The following LYSMD3 variants were observed in gnomAD, a reference collection of about 807,000 sequenced individuals.
The protein encoded by LYSMD3 is lysM and putative peptidoglycan-binding domain-containing protein 3.
A neutral mutation model predicts 26.1 loss-of-function variants in LYSMD3; 13 were observed. The ratio of observed to expected loss-of-function variants is 0.50; its 90% CI spans 0.32 to 0.79. LYSMD3 has a LOEUF of 0.79. Among genes scored for constraint, LYSMD3 ranks in the 30% least tolerant of loss-of-function variants. The pLI is 0.03. For missense variants in LYSMD3, 331 were observed against 362.5 expected (o/e 0.91, Z 0.71); for synonymous variants, 109 against 119.4 (o/e 0.91, Z 0.57).
intron 1 of LYSMD3, among the ~76,000 whole-genome samples, chr5:90,526,747 G>A (rs1561268573): frequency 6.6e-6 from 1 of 152,168 alleles, no homozygotes; most frequent in Non-Finnish European, 1.5e-5. Context: ...AAGAGGAGCT[G>A]GGGGAGGAGG....
intron 2 of LYSMD3, among the ~76,000 whole-genome samples, chr5:90,519,768 C>A (rs1753044298): frequency 6.6e-6 from 1 of 151,994 alleles, no homozygotes; most frequent in African/African-American, 2.4e-5. Flanking sequence ...TGCTGCTTCC[C>A]TTTGTGCATC....
In LYSMD3 at chr5:90,516,385, A is replaced by G. The variant is rs1302483123; in HGVS notation, c.*2434T>C. The G allele has an allele frequency of 6.6e-6, 1 of 152,158 alleles. No homozygotes were observed. The highest frequency in any genetic ancestry group is 6.5e-5 in the Admixed American group (1 of 15,282). The allele number at this position is 152,158 out of a possible 1,614,324, so 9.4% of individuals were successfully genotyped here. On this transcript the variant is annotated 3_prime_UTR_variant, in exon 3 of 3. Coordinates refer to ENST00000315948, the MANE Select transcript of LYSMD3 (RefSeq NM_198273.2). ...ATGCAATGATTCTGCTGTTACTTTTACATTGCATACAAGTACATGCGTGCA... is the reference window on the plus strand; with the variant it reads ...ATGCAATGATTCTGCTGTTACTTTTGCATTGCATACAAGTACATGCGTGCA...
chr5:90,520,677 T>C (rs949242425), intron 2 of LYSMD3, among the ~76,000 whole-genome samples: 1 of 152,152 alleles, frequency 6.6e-6, no homozygotes, highest in African/African-American at 2.4e-5. Context: ...CCCAGCACTT[T>C]GGGAGGCCGA....
rs964750170 is a variant in LYSMD3, at chr5:90,517,910, A to T, written c.*909T>A. On this transcript the variant is annotated 3_prime_UTR_variant, in exon 3 of 3. Transcript: ENST00000315948. ...GCTTATTTTTAATTCTGAAACTTGG[A>T]TTTACTTACATAAAGCAGTAAGGCA... The T allele has an allele frequency of 2.0e-5, 3 of 152,474 alleles. No homozygotes were observed. Among genetic ancestry groups the T allele is most frequent in the Non-Finnish European group, 4.4e-5 (3 of 67,928 alleles). 9.4% of individuals were successfully genotyped at this position (152,474 alleles called of 1,614,324 possible).
At chr5:90,526,690 AT>A (rs1323981697) in intron 1 of LYSMD3, among the ~76,000 whole-genome samples, 4 of 152,132 alleles carry the variant, frequency 2.6e-5, no homozygotes, top group African/African-American at 9.7e-5. Context: ...TCACACCAAG[AT>A]TTCTGATTTG....
Position 90,516,896 on chromosome 5 carries a change from AAAG to A in LYSMD3, c.*1920_*1922del, listed in dbSNP as rs1319361247. On this transcript the variant is annotated 3_prime_UTR_variant, in exon 3 of 3. Transcript: ENST00000315948. ...CAATTTCAAAGTACAACTAGCAAAAAAAGTAAGGAATCACTGACTGTAATTTCA... is the reference window on the plus strand; with the variant it reads ...CAATTTCAAAGTACAACTAGCAAAAATAAGGAATCACTGACTGTAATTTCA... 1 of 145,782 alleles carries A rather than the reference AAAG, an allele frequency of 6.9e-6. No homozygotes were observed. The highest frequency in any genetic ancestry group is 2.6e-5 in the African/African-American group (1 of 38,194). The allele number at this position is 145,782 out of a possible 1,614,324, so 9.0% of individuals were successfully genotyped here.
Position 90,516,577 on chromosome 5 carries a change from AATT to A in LYSMD3, c.*2239_*2241del, listed in dbSNP as rs1274638498. The A allele has an allele frequency of 6.6e-6, 1 of 152,170 alleles. No homozygotes were observed. The highest frequency in any genetic ancestry group is 1.5e-5 in the Non-Finnish European group (1 of 67,938). The allele number at this position is 152,170 out of a possible 1,614,324, so 9.4% of individuals were successfully genotyped here. On this transcript the variant is annotated 3_prime_UTR_variant, in exon 3 of 3. Coordinates refer to ENST00000315948, the MANE Select transcript of LYSMD3 (RefSeq NM_198273.2). ...TACATTAGTACTTTTTAGAAACTAA[AATT>A]ATTCCAAATGTATTAAATGCTTAGA...
chr5:90,521,621 T>C (rs1753091520), intron 2 of LYSMD3, among the ~76,000 whole-genome samples: 1 of 152,084 alleles, frequency 6.6e-6, no homozygotes, highest in Admixed American at 6.5e-5. Context: ...AATCCCAGTC[T>C]GACCCCATTC....
At chr5:90,526,727 T>C (rs1753232447) in intron 1 of LYSMD3, among the ~76,000 whole-genome samples, 1 of 152,144 alleles carries the variant, frequency 6.6e-6, no homozygotes, top group Non-Finnish European at 1.5e-5. Context: ...TGCCATTCTC[T>C]GAGATATGGA....
At chr5:90,520,862 T>C (rs1252041118) in intron 2 of LYSMD3, among the ~76,000 whole-genome samples, 2 of 150,778 alleles carry the variant, frequency 1.3e-5, no homozygotes, top group Non-Finnish European at 2.9e-5. Flanking sequence ...GTGGTTACAG[T>C]GAGCAGAGAT....
Position 90,518,805 on chromosome 5 carries a change from T to G in LYSMD3, c.*14A>C. On this transcript the variant is annotated 3_prime_UTR_variant, in exon 3 of 3. Coordinates refer to ENST00000315948, the MANE Select transcript of LYSMD3 (RefSeq NM_198273.2). ...TGCACATGTGACCACTAACATTTGA[T>G]TATGAGCTAATTGCTATGTTTCCTG... 6.2e-7 allele frequency: 1 copy of G among 1,601,396 alleles called. No homozygotes were observed. The highest frequency in any genetic ancestry group is 8.5e-7 in the Non-Finnish European group (1 of 1,172,880).
In LYSMD3 at chr5:90,518,026, C is replaced by T. The variant is rs576034386; in HGVS notation, c.*793G>A. ...ATTTCCTAAATAATGGTAATATGCA[C>T]GTTTAATATATTTTTCATCATCAAA... On this transcript the variant is annotated 3_prime_UTR_variant, in exon 3 of 3. Coordinates refer to ENST00000315948, the MANE Select transcript of LYSMD3 (RefSeq NM_198273.2). 3 of 152,382 alleles carry T rather than the reference C, an allele frequency of 2.0e-5. No individual in the cohort carries two copies. The highest frequency in any genetic ancestry group is 4.4e-5 in the Non-Finnish European group (3 of 67,910). 9.4% of individuals were successfully genotyped at this position (152,382 alleles called of 1,614,324 possible). A position where few individuals can be genotyped will look rare whatever the true frequency, so the allele number is the denominator to read the frequency against.
intron 2 of LYSMD3, among the ~76,000 whole-genome samples, chr5:90,522,259 T>C (rs1053727178): frequency 6.6e-6 from 1 of 152,204 alleles, no homozygotes; most frequent in Non-Finnish European, 1.5e-5. Context: ...TGCCGTTAAG[T>C]AAAAGCTCTC....
At chr5:90,528,424 T>G (rs1349876508) in intron 1 of LYSMD3, among the ~76,000 whole-genome samples, 1 of 152,210 alleles carries the variant, frequency 6.6e-6, no homozygotes, top group African/African-American at 2.4e-5. Flanking sequence ...CCCAAAGCCA[T>G]TTTAGATACT....
At position 90,516,346 on chromosome 5, in the gene LYSMD3, T is replaced by A. The variant is rs1752946490; in HGVS notation, c.*2473A>T. On this transcript the variant is annotated 3_prime_UTR_variant, in exon 3 of 3. Coordinates refer to ENST00000315948, the MANE Select transcript of LYSMD3 (RefSeq NM_198273.2). ...TTTGTTTACTTGCTAACTCCAAAATTTTAAGTAAACCAAATGCAATGATTC... is the reference window on the plus strand; with the variant it reads ...TTTGTTTACTTGCTAACTCCAAAATATTAAGTAAACCAAATGCAATGATTC... 1 of 152,134 alleles carries A rather than the reference T, an allele frequency of 6.6e-6. No homozygotes were observed. The highest frequency in any genetic ancestry group is 6.5e-5 in the Admixed American group (1 of 15,276). 9.4% of individuals were successfully genotyped at this position (152,134 alleles called of 1,614,324 possible). A position where few individuals can be genotyped will look rare whatever the true frequency, so the allele number is the denominator to read the frequency against.
intron 2 of LYSMD3, among the ~76,000 whole-genome samples, chr5:90,520,646 G>A (rs979695542): frequency 6.6e-6 from 1 of 152,160 alleles, no homozygotes; most frequent in Non-Finnish European, 1.5e-5. Flanking sequence ...TCAGCCAGAC[G>A]TGGTGGCTCA....
Position 90,519,311 on chromosome 5 carries a change from T to G in LYSMD3, c.429A>C (p.Glu143Asp), listed in dbSNP as rs1194996485. ...SSVQYSSEQQEILPANDSLAY... is the reference protein window; with the variant it reads ...SSVQYSSEQQDILPANDSLAY... ...CAAGAGAATCATTAGCTGGCAAAAT[T>G]TCCTGTTGTTCGGAAGAGTATTGAA... Residue 143 changes from glutamate (E) to aspartate (D), a missense_variant, in exon 3 of 3, where the codon GAA (glutamate) becomes GAC (aspartate). Physicochemically the swap from Glu to Asp is conservative, Grantham distance 45. This residue lies in a region of LYSMD3 where 262 missense variants were observed against 267.3 expected (regional missense o/e 0.98). Transcript: ENST00000315948. 1.2e-6 allele frequency: 2 copies of G among 1,613,956 alleles called. No individual in the cohort carries two copies. The highest frequency in any genetic ancestry group is 1.7e-6 in the Non-Finnish European group (2 of 1,180,006).
At chr5:90,525,420 A>C (rs1490541541) in intron 1 of LYSMD3, 120 bp from the exon 2 acceptor site, 1 of 1,051,618 alleles carries the variant, frequency 9.5e-7, no homozygotes, top group East Asian at 2.6e-5. Flanking sequence ...TTAGTTATTT[A>C]AACATTTAGG....
chr5:90,525,870 T>C (rs1753211215), intron 1 of LYSMD3, among the ~76,000 whole-genome samples: 1 of 152,214 alleles, frequency 6.6e-6, no homozygotes, highest in South Asian at 2.1e-4. Flanking sequence ...GTGGAGTAAT[T>C]ACATATTAAC....
Sources: gnomAD v4.1 joint callset for allele counts (sites outside exome capture counted in the v4.1 genomes callset) on GRCh38, gnomAD v4.1.1 for gene constraint, gnomAD v4.1.1 regional missense constraint, MANE v1.5 for transcripts, NCBI Gene and HGNC (gene_info 2026-07-23, HGNC 2026-07-21) for gene names.